Variants in SLC35F3 observed in about 807,000 individuals in gnomAD.
SLC35F3 encodes the protein putative thiamine transporter SLC35F3.
In SLC35F3, 25 loss-of-function variants were observed where a neutral mutation model predicts 49.9. The ratio of observed to expected loss-of-function variants is 0.50; its 90% CI spans 0.37 to 0.70. The LOEUF (loss-of-function observed/expected upper bound fraction) is 0.70, where lower values mean the gene tolerates loss of function less well. Ranked by LOEUF, SLC35F3 falls within the 30% of genes least tolerant of loss-of-function variation. The pLI is 0.00. For synonymous variants in SLC35F3, 275 were observed against 265.4 expected, an observed-to-expected ratio of 1.04 and a Z score of -0.35; for missense variants, 525 against 639.8, an observed-to-expected ratio of 0.82 and a Z score of 1.94.
chr1:234,040,036 G>A (rs1040439022), intron 2 of SLC35F3, among the ~76,000 whole-genome samples: 2 of 152,122 alleles, frequency 1.3e-5, no homozygotes, highest in Non-Finnish European at 2.9e-5. Context: ...CTTGTCCAGT[G>A]CCCAAAAAGA....
chr1:234,136,780 G>A (rs1008027734), intron 2 of SLC35F3, among the ~76,000 whole-genome samples: 1 of 152,230 alleles, frequency 6.6e-6, no homozygotes, highest in Non-Finnish European at 1.5e-5. Flanking sequence ...ATGCAGGCCA[G>A]CCTGTTGACC....
At chr1:233,932,688 C>T (rs1156496575) in intron 2 of SLC35F3, among the ~76,000 whole-genome samples, 1 of 152,202 alleles carries the variant, frequency 6.6e-6, no homozygotes, top group Non-Finnish European at 1.5e-5. Flanking sequence ...ACTCCACATA[C>T]AGACATTGAT....
At chr1:234,224,560 C>A (rs1667258317) in intron 2 of SLC35F3, among the ~76,000 whole-genome samples, 1 of 152,210 alleles carries the variant, frequency 6.6e-6, no homozygotes, top group Non-Finnish European at 1.5e-5. Flanking sequence ...TTTCTGTCCT[C>A]TGCATACCTG....
At chr1:234,078,292 T>C (rs1325616169) in intron 2 of SLC35F3, among the ~76,000 whole-genome samples, 1 of 152,184 alleles carries the variant, frequency 6.6e-6, no homozygotes, top group Non-Finnish European at 1.5e-5. Context: ...CAGCACCCAC[T>C]GTTTCTCTCC....
At chr1:233,944,151 A>C (rs150868644) in intron 2 of SLC35F3, among the ~76,000 whole-genome samples, 1 of 152,194 alleles carries the variant, frequency 6.6e-6, no homozygotes, top group South Asian at 2.1e-4. Flanking sequence ...AAGAAAACCA[A>C]CCTGAAAGCT....
At chr1:234,164,013 A>AG (rs1268131866) in intron 2 of SLC35F3, among the ~76,000 whole-genome samples, 1 of 152,078 alleles carries the variant, frequency 6.6e-6, no homozygotes, top group African/African-American at 2.4e-5. Flanking sequence ...AATGCAAAAA[A>AG]AAAGCAAATT....
In SLC35F3 at chr1:233,980,618, CT is replaced by C. The variant is rs141640852; in HGVS notation, c.283+74863del. Among the ~76,000 whole-genome samples the C allele has an allele frequency of 5.2e-3, 798 of 152,258 alleles. 6 individuals carry two copies. Among genetic ancestry groups the C allele is most frequent in the African/African-American group, 0.018 (759 of 41,542 alleles). ...CTAAAGACTGAGGGCACATCTCGGT[CT>C]TTAGTGGATTCTCAGCTTGAAATAA... On this transcript the variant is annotated intron_variant, in intron 2 of 7. Transcript: ENST00000366618.
At chr1:233,920,037 G>A (rs1241287196) in intron 2 of SLC35F3, among the ~76,000 whole-genome samples, 3 of 152,172 alleles carry the variant, frequency 2.0e-5, no homozygotes, top group African/African-American at 2.4e-5. Flanking sequence ...TGTTAATGCC[G>A]TTTGCAGATA....
chr1:233,920,838 A>G (rs1662045822), intron 2 of SLC35F3, among the ~76,000 whole-genome samples: 1 of 151,592 alleles, frequency 6.6e-6, no homozygotes, highest in African/African-American at 2.5e-5. Flanking sequence ...GCCTCTGACC[A>G]AGAGCCAGCA....
At chr1:234,258,909 T>C (rs539441071) in intron 3 of SLC35F3, among the ~76,000 whole-genome samples, 35 of 152,376 alleles carry the variant, frequency 2.3e-4, no homozygotes, top group African/African-American at 7.2e-4. Context: ...TGCTGTGTTC[T>C]ACACTGATGC....
rs1558262511 is a variant in SLC35F3 at position 234,214,313 on chromosome 1, G to T, written c.284-17104G>T. 7 of 1,299,304 alleles carry T rather than the reference G, an allele frequency of 5.4e-6. No homozygotes were observed. The East Asian group carries it at 1.3e-4, about 24-fold the overall frequency. The allele number at this position is 1,299,304 out of a possible 1,614,324, so 80.5% of individuals were successfully genotyped here. On this transcript the variant is annotated intron_variant, in intron 2 of 7. Transcript: ENST00000366618. The surrounding 1 kb of genome is among the most constrained non-coding windows in gnomAD (Gnocchi z 8.0). ...GGATGTGCGCTGCAGGGCGGCCGCCGCAGTGAGCAACGCGGCAACCGGAGC... is the reference window on the plus strand; with the variant it reads ...GGATGTGCGCTGCAGGGCGGCCGCCTCAGTGAGCAACGCGGCAACCGGAGC...
intron 3 of SLC35F3, among the ~76,000 whole-genome samples, chr1:234,238,754 A>G (rs1363260942): frequency 6.6e-6 from 1 of 152,236 alleles, no homozygotes; most frequent in Non-Finnish European, 1.5e-5. Flanking sequence ...TGAGGCAAGC[A>G]GAACATTTTC....
chr1:233,947,688 A>T lies in SLC35F3; in HGVS notation c.283+41930A>T, dbSNP rs539603097. Among the ~76,000 whole-genome samples the T allele has an allele frequency of 1.7e-3, 260 of 150,442 alleles. 1 individual carries two copies. The highest frequency in any genetic ancestry group is 6.2e-3 in the African/African-American group (254 of 41,082). ...TGCACCTCATATGGGAACCAGGATGATCTGAATTTTATCAAGCATCCCACA... is the reference window on the plus strand; with the variant it reads ...TGCACCTCATATGGGAACCAGGATGTTCTGAATTTTATCAAGCATCCCACA... On this transcript the variant is annotated intron_variant, in intron 2 of 7. Coordinates refer to ENST00000366618, the MANE Select transcript of SLC35F3 (RefSeq NM_173508.4).
At chr1:234,230,969 G>C (rs1667358305) in intron 2 of SLC35F3, among the ~76,000 whole-genome samples, 1 of 152,196 alleles carries the variant, frequency 6.6e-6, no homozygotes, top group Non-Finnish European at 1.5e-5. Context: ...CCAGCCCCCA[G>C]TACTGCCCCG....
At chr1:233,935,348 G>A (rs1443660615) in intron 2 of SLC35F3, among the ~76,000 whole-genome samples, 1 of 152,028 alleles carries the variant, frequency 6.6e-6, no homozygotes, top group Admixed American at 6.6e-5. Flanking sequence ...GGAAGGTTGA[G>A]TCAGTCTAGC....
intron 2 of SLC35F3, among the ~76,000 whole-genome samples, chr1:234,133,346 G>C (rs1665761448): frequency 6.6e-6 from 1 of 152,116 alleles, no homozygotes; most frequent in Non-Finnish European, 1.5e-5. Flanking sequence ...ATTCCTAGGA[G>C]AGCTTTTCTT....
rs781469880 is a variant in SLC35F3, at chr1:234,081,904, A to ATTTTTTTTTTTTTTTT, written c.284-149496_284-149481dup. ...AGGCGCCTGCCACCATGCCTGGCTA[A>ATTTTTTTTTTTTTTTT]TTTTTTTTTTTTTTTTTTTTTTTTT... On this transcript the variant is annotated intron_variant, in intron 2 of 7. Transcript: ENST00000366618. Among the ~76,000 whole-genome samples, 174 of 39,228 alleles carry ATTTTTTTTTTTTTTTT rather than the reference A, an allele frequency of 4.4e-3. 24 individuals carry two copies. The highest frequency in any genetic ancestry group is 0.011 in the African/African-American group (85 of 7,464). The allele number at this position is 39,228 out of a possible 152,430, so 25.7% of individuals were successfully genotyped here.
chr1:234,263,115 G>T (rs1667930578), intron 3 of SLC35F3, among the ~76,000 whole-genome samples: 1 of 152,164 alleles, frequency 6.6e-6, no homozygotes, highest in African/African-American at 2.4e-5. Flanking sequence ...TCAGATGACT[G>T]ATCCTGCTAA....
At chr1:234,133,730 C>A (rs192145515) in intron 2 of SLC35F3, among the ~76,000 whole-genome samples, 2 of 152,196 alleles carry the variant, frequency 1.3e-5, no homozygotes, top group Non-Finnish European at 2.9e-5. Flanking sequence ...GAGGCCATAA[C>A]CCTCTTTTCT....
Sources: allele counts gnomAD v4.1 joint callset (sites outside exome capture counted in the v4.1 genomes callset), GRCh38; gene constraint gnomAD v4.1.1; non-coding constraint Gnocchi (gnomAD v3.1); transcripts MANE v1.5; gene names NCBI Gene and HGNC (gene_info 2026-07-23, HGNC 2026-07-21).